The following FGGY variants were observed in gnomAD, a reference collection of about 807,000 sequenced individuals.
FGGY encodes FGGY carbohydrate kinase domain-containing protein.
In FGGY, 72 loss-of-function variants were observed where a neutral mutation model predicts 71.3. The ratio of observed to expected loss-of-function variants is 1.01; its 90% CI spans 0.84 to 1.23. FGGY has a LOEUF of 1.23. FGGY is among the 50% of genes most tolerant of loss of function. The pLI, the probability that FGGY is intolerant of heterozygous loss-of-function variation, is 0.00. For missense variants in FGGY, 668 were observed against 682.3 expected (o/e 0.98, Z 0.23); for synonymous variants, 251 against 250.3 (o/e 1.00, Z -0.02).
intron 4 of FGGY, among the ~76,000 whole-genome samples, chr1:59,375,559 C>T (rs1235433671): frequency 1.3e-5 from 2 of 152,222 alleles, no homozygotes; most frequent in Non-Finnish European, 2.9e-5. Flanking sequence ...ACAAACTGCT[C>T]AGCTTCATCT....
chr1:59,434,795 C>G (rs2153465140), intron 5 of FGGY, among the ~76,000 whole-genome samples: 1 of 152,286 alleles, frequency 6.6e-6, no homozygotes, highest in East Asian at 1.9e-4. Context: ...CCCCCCCCAC[C>G]TCCAAATACC....
chr1:59,453,677 T>C (rs2091413918), intron 5 of FGGY, among the ~76,000 whole-genome samples: 2 of 152,248 alleles, frequency 1.3e-5, no homozygotes, highest in South Asian at 4.1e-4. Flanking sequence ...TAGCCTAGAA[T>C]GATCTCATGG....
chr1:59,560,726 C>A (rs915562644), intron 8 of FGGY, among the ~76,000 whole-genome samples: 1 of 151,888 alleles, frequency 6.6e-6, no homozygotes, highest in Non-Finnish European at 1.5e-5. Flanking sequence ...TTGAGAAAGA[C>A]AGACAGAAAA....
chr1:59,337,236 G>T (rs1369362767), intron 2 of FGGY, among the ~76,000 whole-genome samples: 1 of 152,032 alleles, frequency 6.6e-6, no homozygotes, highest in Non-Finnish European at 1.5e-5. Flanking sequence ...GAGGGTGAAG[G>T]CCTGAGAGCC....
intron 1 of FGGY, among the ~76,000 whole-genome samples, chr1:59,317,995 C>T (rs1028760152): frequency 6.6e-6 from 1 of 152,122 alleles, no homozygotes; most frequent in Non-Finnish European, 1.5e-5. Flanking sequence ...CAGGCAGAGG[C>T]CCCCAGCAGA....
chr1:59,596,625 G>C (rs78399109), intron 8 of FGGY, among the ~76,000 whole-genome samples: 8,060 of 152,198 alleles, frequency 0.053, 416 homozygotes, highest in African/African-American at 0.14. Context: ...GGCTTGCCTA[G>C]TATCTTAGCT....
rs991465908 is a variant in FGGY at position 59,743,333 on chromosome 1, C to T, written c.1513-14598C>T. 4.6e-5 allele frequency among the ~76,000 whole-genome samples: 7 copies of T among 152,280 alleles called. No homozygotes were observed. The East Asian group carries it at 5.8e-4, about 13-fold the overall frequency. ...TCCTCTTCCTGTCTCCCATGATCACCGATGTTTCTCCAGCAGGCTTTAAAC... is the reference window on the plus strand; with the variant it reads ...TCCTCTTCCTGTCTCCCATGATCACTGATGTTTCTCCAGCAGGCTTTAAAC... On this transcript the variant is annotated intron_variant, in intron 14 of 15. Transcript: ENST00000303721.
intron 6 of FGGY, among the ~76,000 whole-genome samples, chr1:59,489,878 A>ATT (rs753660524): frequency 1.3e-5 from 2 of 152,018 alleles, no homozygotes; most frequent in Non-Finnish European, 2.9e-5. Context: ...CAGCATGTTA[A>ATT]TTTTTTGTCT....
chr1:59,669,540 CTTTTTTTTTT>C (rs58004594), intron 13 of FGGY, among the ~76,000 whole-genome samples: 8 of 102,498 alleles, frequency 7.8e-5, no homozygotes, highest in Admixed American at 1.4e-4. Flanking sequence ...TTCTAGACTT[CTTTTTTTTTT>C]TTTTTTTTTT....
At chr1:59,460,943 A>T (rs1414493413) in intron 6 of FGGY, among the ~76,000 whole-genome samples, 12 of 152,224 alleles carry the variant, frequency 7.9e-5, no homozygotes, top group Non-Finnish European at 1.8e-4. Context: ...AAAGGTAGAT[A>T]AAACTATAAA....
chr1:59,363,582 C>G (rs2056024188), intron 4 of FGGY, among the ~76,000 whole-genome samples: 1 of 152,192 alleles, frequency 6.6e-6, no homozygotes, highest in African/African-American at 2.4e-5. Flanking sequence ...CTCTTGCATT[C>G]TGGCTCTGGA....
intron 8 of FGGY, among the ~76,000 whole-genome samples, chr1:59,602,802 C>T (rs1363776256): frequency 6.6e-6 from 1 of 152,162 alleles, no homozygotes; most frequent in East Asian, 1.9e-4. Flanking sequence ...GCTCGTACTG[C>T]ACTCCTCTCT....
intron 7 of FGGY, among the ~76,000 whole-genome samples, chr1:59,543,252 G>GCT (rs761589068): frequency 2.0e-5 from 3 of 152,134 alleles, no homozygotes; most frequent in African/African-American, 4.8e-5. Flanking sequence ...CTCCCCAGCT[G>GCT]CTCTGCCTAT....
chr1:59,400,545 GTT>G (rs533224450), intron 5 of FGGY, among the ~76,000 whole-genome samples: 5 of 138,004 alleles, frequency 3.6e-5, no homozygotes, highest in African/African-American at 1.0e-4. Flanking sequence ...ATTCTGTTTT[GTT>G]TTTTTTTTTT....
intron 14 of FGGY, among the ~76,000 whole-genome samples, chr1:59,745,283 AG>A (rs1479198320): frequency 2.6e-5 from 4 of 152,224 alleles, no homozygotes; most frequent in Non-Finnish European, 4.4e-5. Context: ...GAGATCCAAA[AG>A]CAGGGAACTT....
chr1:59,562,669 C>T lies in FGGY; in HGVS notation c.903+8442C>T, dbSNP rs531126095. On this transcript the variant is annotated intron_variant, in intron 8 of 15. Coordinates refer to ENST00000303721, the MANE Select transcript of FGGY (RefSeq NM_018291.5). Reference sequence around the variant, plus strand: ...AAACTTTCTTGAATAAAAAATAGTTCCATTATTTAAATTCTTGCAAAAGCA... The same window carrying T: ...AAACTTTCTTGAATAAAAAATAGTTTCATTATTTAAATTCTTGCAAAAGCA... 3.3e-5 allele frequency among the ~76,000 whole-genome samples: 5 copies of T among 152,234 alleles called. No individual in the cohort carries two copies. The East Asian group carries it at 9.6e-4, about 29-fold the overall frequency.
chr1:59,343,924 C>T (rs966413048), intron 3 of FGGY, among the ~76,000 whole-genome samples: 7 of 152,054 alleles, frequency 4.6e-5, no homozygotes, highest in African/African-American at 1.7e-4. Flanking sequence ...CTGTACAGTA[C>T]TTAAGAAACA....
chr1:59,532,445 C>T (rs2095172449), intron 7 of FGGY, among the ~76,000 whole-genome samples: 1 of 151,960 alleles, frequency 6.6e-6, no homozygotes, highest in Non-Finnish European at 1.5e-5. Context: ...TACATAGAAG[C>T]TATATTTGAA....
chr1:59,630,006 A>C lies in FGGY; in HGVS notation c.1073+3957A>C, dbSNP rs550023685. Among the ~76,000 whole-genome samples the C allele has an allele frequency of 5.3e-5, 8 of 152,320 alleles. No individual in the cohort carries two copies. The South Asian group carries it at 1.7e-3, about 32-fold the overall frequency. ...TAAAGGAAAGAGGTTTAATTGACTT[A>C]CAGTTCTGTGGGCTGGGCAGGCATC... On this transcript the variant is annotated intron_variant, in intron 10 of 15. Transcript: ENST00000303721.
Sources: gnomAD v4.1 joint callset for allele counts (sites outside exome capture counted in the v4.1 genomes callset) on GRCh38, gnomAD v4.1.1 for gene constraint, MANE v1.5 for transcripts, NCBI Gene and HGNC (gene_info 2026-07-23, HGNC 2026-07-21) for gene names.